Variants in SOX6 observed in about 807,000 individuals in gnomAD.
SOX6 encodes transcription factor SOX-6.
Under a neutral mutation model 97.8 loss-of-function variants are expected in SOX6, and 11 were observed. The ratio of observed to expected loss-of-function variants is 0.11; its 90% CI spans 0.07 to 0.19. The LOEUF is 0.19. Among genes scored for constraint, SOX6 ranks in the 10% least tolerant of loss-of-function variants. SOX6 has a pLI of 1.00. For missense variants in SOX6, 810 were observed against 1,039.5 expected (o/e 0.78, Z 3.04); for synonymous variants, 360 against 371.4 (o/e 0.97, Z 0.35).
intron 1 of SOX6, among the ~76,000 whole-genome samples, chr11:16,466,049 T>C (rs1487652860): frequency 6.6e-6 from 1 of 152,208 alleles, no homozygotes; most frequent in African/African-American, 2.4e-5. Flanking sequence ...AATATTCTCT[T>C]TTGCCAGTTA....
intron 6 of SOX6, among the ~76,000 whole-genome samples, chr11:16,133,211 CT>C (rs897388724): frequency 3.3e-5 from 5 of 152,174 alleles, no homozygotes; most frequent in African/African-American, 1.2e-4. Context: ...GGGCACACCC[CT>C]TTTTGGAGAG....
intron 3 of SOX6, among the ~76,000 whole-genome samples, chr11:16,686,458 C>A (rs1372077384): frequency 2.0e-5 from 3 of 152,196 alleles, no homozygotes; most frequent in Admixed American, 6.5e-5. Context: ...CAAACTTCCA[C>A]AGATCTCTAG....
chr11:16,050,007 C>T, intron 10 of SOX6, 69 bp from the exon 11 acceptor site: 4 of 1,535,038 alleles, frequency 2.6e-6, no homozygotes, highest in Non-Finnish European at 3.6e-6. Context: ...CTTAGTAAGC[C>T]ACAGTTATTT....
intron 15 of SOX6, among the ~76,000 whole-genome samples, chr11:15,981,717 C>A (rs1455412218): frequency 6.6e-6 from 1 of 151,984 alleles, no homozygotes; most frequent in Non-Finnish European, 1.5e-5. Context: ...ATTGATTCGA[C>A]CTCTTTAAAA....
chr11:16,501,951 C>T (rs1860715386), intron 4 of SOX6, among the ~76,000 whole-genome samples: 2 of 152,156 alleles, frequency 1.3e-5, no homozygotes, highest in Non-Finnish European at 2.9e-5. Context: ...ACCCAGCCAT[C>T]CCGTTACTGG....
intron 15 of SOX6, among the ~76,000 whole-genome samples, chr11:15,973,655 A>G (rs915784037): frequency 6.6e-6 from 1 of 152,226 alleles, no homozygotes; most frequent in Non-Finnish European, 1.5e-5. Flanking sequence ...ACATATTTCC[A>G]TGGCTGAACT....
chr11:16,245,880 C>A (rs907401677), intron 3 of SOX6, among the ~76,000 whole-genome samples: 1 of 151,294 alleles, frequency 6.6e-6, no homozygotes, highest in Non-Finnish European at 1.5e-5. Flanking sequence ...TTAATCCAAT[C>A]TGATAATCTC....
chr11:16,170,491 A>G (rs988405413), intron 6 of SOX6, among the ~76,000 whole-genome samples: 3 of 151,980 alleles, frequency 2.0e-5, no homozygotes, highest in African/African-American at 7.2e-5. Context: ...TTCTTGCCAG[A>G]TATCTTTCCC....
intron 6 of SOX6, among the ~76,000 whole-genome samples, chr11:16,177,313 G>A (rs1324866040): frequency 6.6e-6 from 1 of 151,828 alleles, no homozygotes; most frequent in Non-Finnish European, 1.5e-5. Context: ...AGGGTAGAGG[G>A]GGAATGTTTA....
intron 3 of SOX6, among the ~76,000 whole-genome samples, chr11:16,694,202 G>A (rs1229938628): frequency 1.3e-5 from 2 of 152,174 alleles, no homozygotes; most frequent in Non-Finnish European, 2.9e-5. Context: ...TACTGTAGGA[G>A]AAATAAAATG....
intron 3 of SOX6, among the ~76,000 whole-genome samples, chr11:16,689,870 C>T (rs1293835866): frequency 6.7e-6 from 1 of 150,112 alleles, no homozygotes; most frequent in African/African-American, 2.4e-5. Context: ...GATTGTGCAT[C>T]TCTGAAATTT....
chr11:16,507,066 A>AAAT (rs1001246215), intron 4 of SOX6, among the ~76,000 whole-genome samples: 44 of 152,038 alleles, frequency 2.9e-4, no homozygotes, highest in African/African-American at 1.0e-3. Context: ...TCTGTCTCAA[A>AAAT]AATAATAATA....
chr11:16,428,620 T>A (rs1033122978), intron 1 of SOX6, among the ~76,000 whole-genome samples: 1 of 152,144 alleles, frequency 6.6e-6, no homozygotes, highest in African/African-American at 2.4e-5. Context: ...AGGTTTGTCA[T>A]AGATCAGATA....
chr11:16,734,261 A>G (rs995662758), intron 2 of SOX6, among the ~76,000 whole-genome samples: 1 of 152,164 alleles, frequency 6.6e-6, no homozygotes, highest in African/African-American at 2.4e-5. Flanking sequence ...ATCATCAACC[A>G]CAAATATGTA....
intron 3 of SOX6, among the ~76,000 whole-genome samples, chr11:16,633,036 G>A (rs1253095801): frequency 6.6e-6 from 1 of 152,204 alleles, no homozygotes; most frequent in Admixed American, 6.5e-5. Context: ...ATGAAGTGGA[G>A]AGGGCCTCCC....
chr11:16,487,802 A>C (rs1218056216), intron 4 of SOX6, among the ~76,000 whole-genome samples: 1 of 152,196 alleles, frequency 6.6e-6, no homozygotes, highest in Non-Finnish European at 1.5e-5. Context: ...TACCACTCTC[A>C]GTACCACGCC....
chr11:16,037,792 A>C (rs1332507794), intron 12 of SOX6, among the ~76,000 whole-genome samples: 2 of 152,122 alleles, frequency 1.3e-5, no homozygotes, highest in Non-Finnish European at 2.9e-5. Context: ...ATTCTTCTTA[A>C]AATGTAGTTT....
chr11:16,332,741 A>C (rs1312930094), intron 2 of SOX6, among the ~76,000 whole-genome samples: 1 of 152,174 alleles, frequency 6.6e-6, no homozygotes, highest in African/African-American at 2.4e-5. Context: ...GCATCACCTA[A>C]AAAACAATGC....
At chr11:16,640,199 C>A (rs143429432) in intron 3 of SOX6, among the ~76,000 whole-genome samples, 1 of 151,938 alleles carries the variant, frequency 6.6e-6, no homozygotes, top group African/African-American at 2.4e-5. Flanking sequence ...TCTGTTTATA[C>A]GCTGGATTAC....
Sources: allele counts gnomAD v4.1 joint callset (sites outside exome capture counted in the v4.1 genomes callset), GRCh38; gene constraint gnomAD v4.1.1; transcripts MANE v1.5; gene names NCBI Gene and HGNC (gene_info 2026-07-23, HGNC 2026-07-21).